The following SH3BP4 variants were observed in gnomAD, a reference collection of about 807,000 sequenced individuals.
SH3BP4 encodes the protein SH3 domain-binding protein 4.
Under a neutral mutation model 65.5 loss-of-function variants are expected in SH3BP4, and 33 were observed. That is an observed-to-expected ratio of 0.50 (90% confidence interval 0.38 to 0.67). The LOEUF (loss-of-function observed/expected upper bound fraction) is 0.67. Among genes scored for constraint, SH3BP4 ranks in the 30% least tolerant of loss-of-function variants. The probability of loss-of-function intolerance (pLI) is 0.00; values close to 1 mark genes in which losing one functional copy is unlikely to be tolerated. For missense variants in SH3BP4, 1,134 were observed against 1,261.4 expected (o/e 0.90, Z 1.53); for synonymous variants, 552 against 545.5 (o/e 1.01, Z -0.17).
At chr2:235,002,660 A>G (rs1475456650) in intron 2 of SH3BP4, among the ~76,000 whole-genome samples, 2 of 152,242 alleles carry the variant, frequency 1.3e-5, no homozygotes, top group African/African-American at 4.8e-5. Flanking sequence ...CAGCAGGTCA[A>G]GGCTGCAGTG....
intron 2 of SH3BP4, among the ~76,000 whole-genome samples, chr2:235,006,117 G>T (rs1694285760): frequency 6.6e-6 from 1 of 152,202 alleles, no homozygotes; most frequent in Non-Finnish European, 1.5e-5. Flanking sequence ...TGAGAATGGG[G>T]CCTGCTTTGT....
intron 3 of SH3BP4, among the ~76,000 whole-genome samples, chr2:235,039,749 G>A (rs1168607898): frequency 6.6e-6 from 1 of 152,076 alleles, no homozygotes; most frequent in Admixed American, 6.6e-5. Flanking sequence ...TTCATTTGCC[G>A]TCTACATTGG....
At chr2:235,047,147 C>T (rs1574850345) in intron 4 of SH3BP4, among the ~76,000 whole-genome samples, 1 of 152,330 alleles carries the variant, frequency 6.6e-6, no homozygotes, top group East Asian at 1.9e-4. Context: ...AAAACAGACA[C>T]TTCAAGGGAG....
At chr2:234,999,053 G>A (rs147838321) in intron 2 of SH3BP4, among the ~76,000 whole-genome samples, 5 of 152,322 alleles carry the variant, frequency 3.3e-5, no homozygotes, top group African/African-American at 9.6e-5. Flanking sequence ...CAGTGACAAC[G>A]TCCGCAGGGC....
chr2:235,043,339 C>T (rs78367788), intron 4 of SH3BP4, 92 bp downstream of exon 4: 68,302 of 928,682 alleles, frequency 0.074, 6,203 homozygotes, highest in East Asian at 0.31. Context: ...GCCGTGGTGT[C>T]GTAAGTCACC....
intron 1 of SH3BP4, among the ~76,000 whole-genome samples, chr2:234,953,801 T>G (rs568935765): frequency 6.6e-6 from 1 of 152,078 alleles, no homozygotes; most frequent in Non-Finnish European, 1.5e-5. Context: ...AGTGGAGCCC[T>G]GAGGACAATA....
At chr2:235,007,135 G>A (rs1694321091) in intron 2 of SH3BP4, among the ~76,000 whole-genome samples, 1 of 151,982 alleles carries the variant, frequency 6.6e-6, no homozygotes, top group Admixed American at 6.5e-5. Flanking sequence ...AGAGGGGAGG[G>A]AGGGGAGGGA....
intron 4 of SH3BP4, among the ~76,000 whole-genome samples, chr2:235,050,272 C>T (rs552616088): frequency 6.6e-6 from 1 of 152,256 alleles, no homozygotes; most frequent in South Asian, 2.1e-4. Context: ...CCCGCCACCA[C>T]ACCCGGCTAA....
Position 235,041,540 on chromosome 2 carries a change from C to G in SH3BP4, c.771C>G (p.Ser257=), listed in dbSNP as rs141919221. 6.2e-7 allele frequency: 1 copy of G among 1,614,162 alleles called. No individual in the cohort carries two copies. The highest frequency in any genetic ancestry group is 8.5e-7 in the Non-Finnish European group (1 of 1,180,048). ...LSELSVLQAK[S]DAPTSSSFFT... is the part of the protein sequence containing the mutation. ...AACTCTCCGTCCTCCAAGCCAAGTC[C>G]GATGCTCCCACATCGTCGAGTTTCT... Residue 257 remains serine (S), a synonymous_variant, in exon 4 of 6, where the codon TCC becomes TCG. Transcript: ENST00000392011. This position sits in a 1 kb window ranked among gnomAD's most constrained non-coding sequence, Gnocchi z 6.0.
rs990697535 is a variant in SH3BP4, at chr2:235,050,827, G to A, written c.2479-1735G>A. On this transcript the variant is annotated intron_variant, in intron 4 of 5. Transcript: ENST00000392011. ...TTGGCCAAAGAGCGCCGGTACCAGC[G>A]GTGTGGTTGGCGGGGGTGGGGGGTT... Among the ~76,000 whole-genome samples, 11 of 152,240 alleles carry A rather than the reference G, an allele frequency of 7.2e-5. 1 individual carries two copies. The highest frequency in any genetic ancestry group is 2.1e-4 in the South Asian group (1 of 4,822).
In SH3BP4 at chr2:235,042,516, G is replaced by A. The variant is rs761988299; in HGVS notation, c.1747G>A (p.Glu583Lys). 24 of 1,613,988 alleles carry A rather than the reference G, an allele frequency of 1.5e-5. No individual in the cohort carries two copies. The highest frequency in any genetic ancestry group is 5.3e-5 in the African/African-American group (4 of 74,910). The stretch of plus-strand genomic sequence containing the variant: ...CCCCATCACCTCCCAGAACCCCAAC[G>A]AGCTCTCTGACTTCACGCTGCGGGT... ...IFPITSQNPNELSDFTLRVQV... is the reference protein window; with the variant it reads ...IFPITSQNPNKLSDFTLRVQV... The change falls in exon 4 of 6, where the codon GAG becomes AAG. Residue 583 changes from glutamate to lysine, a missense_variant. Glu to Lys is a moderately conservative substitution (Grantham distance 56). Coordinates refer to ENST00000392011, the MANE Select transcript of SH3BP4 (RefSeq NM_014521.3). This position sits in a 1 kb window ranked among gnomAD's most constrained non-coding sequence, Gnocchi z 7.3.
intron 3 of SH3BP4, among the ~76,000 whole-genome samples, chr2:235,037,279 T>TGTCCCCAGC (rs1695416637): frequency 6.6e-6 from 1 of 152,108 alleles, no homozygotes; most frequent in African/African-American, 2.4e-5. Context: ...CCTTCCCCAG[T>TGTCCCCAGC]GTCCCCAGCT....
chr2:234,987,660 C>G (rs1275974241), intron 1 of SH3BP4, among the ~76,000 whole-genome samples: 1 of 152,200 alleles, frequency 6.6e-6, no homozygotes, highest in Admixed American at 6.5e-5. Context: ...TTGAGACACT[C>G]TCCTTGGCTT....
rs193246124 is a variant in SH3BP4, at chr2:235,025,101, G to A, written c.-132-9770G>A. Among the ~76,000 whole-genome samples the A allele has an allele frequency of 1.1e-4, 16 of 152,260 alleles. No individual in the cohort carries two copies. The East Asian group carries it at 2.9e-3, about 28-fold the overall frequency. On this transcript the variant is annotated intron_variant, in intron 2 of 5. Transcript: ENST00000392011. The stretch of plus-strand genomic sequence containing the variant: ...CTGTTTGCTGTCAGCCATCTGACAC[G>A]GGCGGGCCAGCCTTCCCATGTGATT...
Position 234,976,557 on chromosome 2 carries a change from C to T in SH3BP4, c.-206-18746C>T, listed in dbSNP as rs368714113. Among the ~76,000 whole-genome samples the T allele has an allele frequency of 1.3e-5, 2 of 152,058 alleles. No individual in the cohort carries two copies. Among genetic ancestry groups the T allele is most frequent in the South Asian group, 2.1e-4 (1 of 4,808 alleles). On this transcript the variant is annotated intron_variant, in intron 1 of 5. Coordinates refer to ENST00000392011, the MANE Select transcript of SH3BP4 (RefSeq NM_014521.3). The surrounding 1 kb of genome is among the most constrained non-coding windows in gnomAD (Gnocchi z 4.7). ...ATAAATACAGAAGCCGATGTTTACC[C>T]GCCTCTGGTAGCGGACATAGGGGCA...
At chr2:235,022,542 G>T (rs1249958845) in intron 2 of SH3BP4, among the ~76,000 whole-genome samples, 1 of 152,074 alleles carries the variant, frequency 6.6e-6, no homozygotes, top group Admixed American at 6.5e-5. Flanking sequence ...AGTAGTAGTT[G>T]ATACTTGAAC....
chr2:234,993,264 G>GC (rs944162177), intron 1 of SH3BP4, among the ~76,000 whole-genome samples: 5 of 152,140 alleles, frequency 3.3e-5, no homozygotes, highest in South Asian at 2.1e-4. Context: ...CACTGGACTC[G>GC]CCCCCCGCCT....
Position 235,053,820 on chromosome 2 carries a change from G to C in SH3BP4, c.*4G>C, listed in dbSNP as rs749153165. The C allele has an allele frequency of 6.2e-7, 1 of 1,609,968 alleles. No homozygotes were observed. Among genetic ancestry groups the C allele is most frequent in the African/African-American group, 1.3e-5 (1 of 74,948 alleles). ...CCAGGACGACTTCGTGATTTGAATG[G>C]GTCCCCTCCCCTCCTGCTGCTCTGG... is the stretch of plus-strand genomic sequence containing the variant. On this transcript the variant is annotated 3_prime_UTR_variant, in exon 6 of 6. Transcript: ENST00000392011.
At chr2:234,965,034 G>A (rs979148172) in intron 1 of SH3BP4, among the ~76,000 whole-genome samples, 5 of 152,028 alleles carry the variant, frequency 3.3e-5, no homozygotes, top group East Asian at 1.9e-4. Flanking sequence ...TCTCCCTCCC[G>A]GCCTGCTGTG....
Sources: gnomAD v4.1 joint callset for allele counts (sites outside exome capture counted in the v4.1 genomes callset) on GRCh38, gnomAD v4.1.1 for gene constraint, Gnocchi (gnomAD v3.1) non-coding constraint, MANE v1.5 for transcripts, NCBI Gene and HGNC (gene_info 2026-07-23, HGNC 2026-07-21) for gene names.